The following GAREM1 variants were observed in gnomAD, a reference collection of about 807,000 sequenced individuals.
The protein encoded by GAREM1 is GRB2 associated regulator of MAPK1 subtype 1.
A neutral mutation model predicts 71.3 loss-of-function variants in GAREM1; 26 were observed. The ratio of observed to expected loss-of-function variants is 0.36; its 90% confidence interval spans 0.27 to 0.51. GAREM1 has a LOEUF of 0.51. Ranked by LOEUF, GAREM1 falls within the 20% of genes least tolerant of loss-of-function variation. GAREM1 has a pLI of 0.95. For synonymous variants in GAREM1, 440 were observed against 433.2 expected (o/e 1.02, Z -0.20); for missense variants, 1,026 against 1,103.1 (o/e 0.93, Z 0.99).
At chr18:32,283,351 C>T (rs1282533301) in intron 4 of GAREM1, among the ~76,000 whole-genome samples, 1 of 152,102 alleles carries the variant, frequency 6.6e-6, no homozygotes, top group Non-Finnish European at 1.5e-5. Context: ...TCAAGACCAG[C>T]CTGGCCAACA....
intron 1 of GAREM1, among the ~76,000 whole-genome samples, chr18:32,405,623 G>A (rs1054046476): frequency 4.6e-5 from 7 of 152,192 alleles, no homozygotes. Context: ...AGTTAAGTGT[G>A]CCATGTCATT....
At position 32,287,338 on chromosome 18, in the gene GAREM1, A is replaced by T. The variant is rs1469656828; in HGVS notation, c.1259T>A (p.Ile420Asn). Residue 420 changes from isoleucine to asparagine, a missense_variant, in exon 4 of 6, where the codon ATC becomes AAC. By Grantham distance (149) the Ile-to-Asn change is moderately radical. Around this residue, in one of 3 missense-constraint regions of GAREM1, gnomAD observed 636 missense variants for 631.2 expected, o/e 1.01. Coordinates refer to ENST00000269209, the MANE Select transcript of GAREM1 (RefSeq NM_001242409.2). This position sits in a 1 kb window ranked among gnomAD's most constrained non-coding sequence, Gnocchi z 5.9. The stretch of plus-strand genomic sequence containing the variant: ...ATCTCCAGAGTCCTGATAGGGCAGG[A>T]TGTCATGAGGAAAGGGAGCCCAATC... ...GGDWAPFPHDILPYQDSGDSG... is the reference protein window; with the variant it reads ...GGDWAPFPHDNLPYQDSGDSG... 1 of 1,614,182 alleles carries T rather than the reference A, an allele frequency of 6.2e-7. No homozygotes were observed. The highest frequency in any genetic ancestry group is 1.1e-5 in the South Asian group (1 of 91,078).
chr18:32,424,360 G>T (rs1478412283), intron 1 of GAREM1, among the ~76,000 whole-genome samples: 1 of 152,116 alleles, frequency 6.6e-6, no homozygotes, highest in East Asian at 1.9e-4. Flanking sequence ...TGATCCCACA[G>T]TATAATTTCA....
chr18:32,276,445 G>A (rs918817047), intron 4 of GAREM1, among the ~76,000 whole-genome samples: 3 of 152,206 alleles, frequency 2.0e-5, no homozygotes, highest in South Asian at 4.1e-4. Context: ...GTAACTCATG[G>A]AATTACTTAT....
intron 3 of GAREM1, among the ~76,000 whole-genome samples, chr18:32,309,827 A>C (rs2047296994): frequency 6.6e-6 from 1 of 151,940 alleles, no homozygotes. Context: ...TTTTTAAATA[A>C]GTGTTTGGTA....
chr18:32,378,053 T>C (rs1417269457), intron 2 of GAREM1, among the ~76,000 whole-genome samples: 9 of 141,740 alleles, frequency 6.3e-5, no homozygotes, highest in Admixed American at 4.2e-4. Context: ...TGTGTGTGTG[T>C]GTGTGCGCGC....
chr18:32,274,066 T>A (rs560249110), intron 4 of GAREM1, among the ~76,000 whole-genome samples: 12 of 152,320 alleles, frequency 7.9e-5, no homozygotes, highest in African/African-American at 2.9e-4. Flanking sequence ...TGGGCACAGC[T>A]GAGGACTCCA....
At chr18:32,303,817 A>T (rs1040906387) in intron 3 of GAREM1, among the ~76,000 whole-genome samples, 2 of 152,160 alleles carry the variant, frequency 1.3e-5, no homozygotes, top group Admixed American at 1.3e-4. Context: ...GCTATTCAGG[A>T]GGCTGAAGCA....
intron 1 of GAREM1, among the ~76,000 whole-genome samples, chr18:32,428,279 G>A (rs544752296): frequency 2.4e-4 from 37 of 152,264 alleles, no homozygotes; most frequent in African/African-American, 8.4e-4. Flanking sequence ...ACAACTTTTG[G>A]GAGTTCTGTC....
chr18:32,348,099 G>A (rs2047713352), intron 2 of GAREM1, among the ~76,000 whole-genome samples: 1 of 152,174 alleles, frequency 6.6e-6, no homozygotes, highest in South Asian at 2.1e-4. Flanking sequence ...AAAGCCGCAA[G>A]GGAATGCTCT....
At chr18:32,359,615 T>C (rs2047843239) in intron 2 of GAREM1, among the ~76,000 whole-genome samples, 4 of 152,152 alleles carry the variant, frequency 2.6e-5, no homozygotes, top group Admixed American at 2.6e-4. Flanking sequence ...GCATAAAACC[T>C]GTCTCAATAT....
intron 2 of GAREM1, among the ~76,000 whole-genome samples, chr18:32,390,856 A>C (rs1186941659): frequency 9.9e-5 from 15 of 152,204 alleles, no homozygotes; most frequent in Admixed American, 9.8e-4. Flanking sequence ...AACACTCCAG[A>C]CCAATTAACT....
intron 2 of GAREM1, among the ~76,000 whole-genome samples, chr18:32,354,588 T>C (rs2047786615): frequency 6.6e-6 from 1 of 152,110 alleles, no homozygotes; most frequent in Non-Finnish European, 1.5e-5. Context: ...CTCTAAAACT[T>C]CTCCGCAAAA....
At chr18:32,289,493 T>C (rs912063030) in intron 3 of GAREM1, among the ~76,000 whole-genome samples, 8 of 152,234 alleles carry the variant, frequency 5.3e-5, no homozygotes, top group African/African-American at 1.9e-4. Flanking sequence ...TTTGTGTAAA[T>C]GAAAATGTCA....
At chr18:32,329,968 C>G (rs1456574006) in intron 2 of GAREM1, among the ~76,000 whole-genome samples, 1 of 151,846 alleles carries the variant, frequency 6.6e-6, no homozygotes, top group African/African-American at 2.4e-5. Flanking sequence ...TGCTGCTCAC[C>G]CTTTGGAGAT....
In GAREM1 at chr18:32,267,499, GTT is replaced by G. The variant is rs58886413; in HGVS notation, c.*370_*371del. The G allele has an allele frequency of 0.013, 1,889 of 143,254 alleles. 35 individuals carry two copies. The highest frequency in any genetic ancestry group is 0.041 in the African/African-American group (1,613 of 39,208). The allele number at this position is 143,254 out of a possible 1,614,324, so 8.9% of individuals were successfully genotyped here. A position where few individuals can be genotyped will look rare whatever the true frequency, so the allele number is the denominator to read the frequency against. On this transcript the variant is annotated 3_prime_UTR_variant, in exon 6 of 6. Coordinates refer to ENST00000269209, the MANE Select transcript of GAREM1 (RefSeq NM_001242409.2). ...TGAAAGAAGGGACTTGTTCAAAAGT[GTT>G]TTTTTTTTTTTTTTAAAGATTTTTA...
intron 1 of GAREM1, among the ~76,000 whole-genome samples, chr18:32,448,382 G>A (rs2048803331): frequency 6.6e-6 from 1 of 152,186 alleles, no homozygotes; most frequent in African/African-American, 2.4e-5. Flanking sequence ...CAGAACCTAA[G>A]TGTGACCACA....
chr18:32,397,708 G>T (rs566028674), intron 1 of GAREM1, among the ~76,000 whole-genome samples: 1 of 152,236 alleles, frequency 6.6e-6, no homozygotes, highest in African/African-American at 2.4e-5. Flanking sequence ...AATAATGGGA[G>T]ACTTCAACAC....
intron 1 of GAREM1, among the ~76,000 whole-genome samples, chr18:32,394,143 T>C (rs2048229027): frequency 6.6e-6 from 1 of 152,208 alleles, no homozygotes; most frequent in Non-Finnish European, 1.5e-5. Flanking sequence ...GCATGGTGGC[T>C]CATGCCTATA....
Sources: gnomAD v4.1 joint callset for allele counts (sites outside exome capture counted in the v4.1 genomes callset) on GRCh38, gnomAD v4.1.1 for gene constraint, gnomAD v4.1.1 regional missense constraint, Gnocchi (gnomAD v3.1) non-coding constraint, MANE v1.5 for transcripts, NCBI Gene and HGNC (gene_info 2026-07-23, HGNC 2026-07-21) for gene names.